Variants in PPP1R13B observed in about 807,000 individuals in gnomAD.
PPP1R13B encodes protein phosphatase 1 regulatory subunit 13B, also known as apoptosis-stimulating of p53 protein 1.
PPP1R13B carries 44 observed loss-of-function variants against 119.8 expected under a neutral mutation model. The observed-to-expected ratio is 0.37, with a 90% CI of 0.29 to 0.47. PPP1R13B has a LOEUF of 0.47. Ranked by LOEUF, PPP1R13B falls within the 20% of genes least tolerant of loss-of-function variation. The pLI is 0.99. For synonymous variants in PPP1R13B, 542 were observed against 561.5 expected, an observed-to-expected ratio of 0.97 and a Z score of 0.49; for missense variants, 1,227 against 1,413.5, an observed-to-expected ratio of 0.87 and a Z score of 2.12.
chr14:103,846,802 T>C (rs1431242334), intron 1 of PPP1R13B: 1 of 458,472 alleles, frequency 2.2e-6, no homozygotes, highest in Non-Finnish European at 4.4e-6. Context: ...GAAAAGGGAA[T>C]TCCTAAGATG....
intron 1 of PPP1R13B, among the ~76,000 whole-genome samples, chr14:103,821,651 T>A (rs1422709504): frequency 6.6e-6 from 1 of 152,056 alleles, no homozygotes; most frequent in African/African-American, 2.4e-5. Context: ...CTCGGGAGGC[T>A]AAGGCAGGAG....
chr14:103,738,507 T>C lies in PPP1R13B; in HGVS notation c.2864+172A>G. ...TAACAAAATCATCAAGAGAAAAGGCTGGAAAAAAAGGCAAGGAAACCCTGG... is the reference window on the plus strand; with the variant it reads ...TAACAAAATCATCAAGAGAAAAGGCCGGAAAAAAAGGCAAGGAAACCCTGG... On this transcript the variant is annotated intron_variant, in intron 14 of 16. Transcript: ENST00000202556. This position sits in a 1 kb window ranked among gnomAD's most constrained non-coding sequence, Gnocchi z 5.6. 2.9e-6 allele frequency: 3 copies of C among 1,023,764 alleles called. No homozygotes were observed. Among genetic ancestry groups the C allele is most frequent in the Non-Finnish European group, 4.2e-6 (3 of 713,422 alleles). 63.4% of individuals were successfully genotyped at this position (1,023,764 alleles called of 1,614,324 possible). A position where few individuals can be genotyped will look rare whatever the true frequency, so the allele number is the denominator to read the frequency against.
intron 2 of PPP1R13B, among the ~76,000 whole-genome samples, chr14:103,789,355 A>C (rs759033189): frequency 1.3e-5 from 2 of 151,700 alleles, no homozygotes; most frequent in Non-Finnish European, 2.9e-5. Flanking sequence ...AGTAGCTGGG[A>C]TTACAGGCAT....
At chr14:103,814,727 C>T (rs1290715751) in intron 1 of PPP1R13B, among the ~76,000 whole-genome samples, 1 of 152,082 alleles carries the variant, frequency 6.6e-6, no homozygotes, top group Non-Finnish European at 1.5e-5. Context: ...GGGCGGATCA[C>T]GAGGTCAGGA....
intron 16 of PPP1R13B, among the ~76,000 whole-genome samples, chr14:103,735,646 T>C (rs538210698): frequency 6.6e-6 from 1 of 152,094 alleles, no homozygotes; most frequent in Non-Finnish European, 1.5e-5. Context: ...TTCCCACCTC[T>C]CCCTCCACTG....
At chr14:103,785,224 T>G (rs1263499839) in intron 2 of PPP1R13B, among the ~76,000 whole-genome samples, 1 of 119,988 alleles carries the variant, frequency 8.3e-6, no homozygotes, top group African/African-American at 3.6e-5. Context: ...CCCATTCATT[T>G]GTTTGTTTGG....
At chr14:103,846,269 G>A (rs2087029330) in intron 1 of PPP1R13B, among the ~76,000 whole-genome samples, 1 of 152,242 alleles carries the variant, frequency 6.6e-6, no homozygotes. Context: ...AAAACGGGGA[G>A]AAGAGATTAT....
chr14:103,762,293 T>C (rs946283225), intron 4 of PPP1R13B, among the ~76,000 whole-genome samples: 12 of 152,286 alleles, frequency 7.9e-5, no homozygotes, highest in African/African-American at 2.4e-4. Flanking sequence ...AATCAGTTAA[T>C]AGAAAAGACT....
intron 4 of PPP1R13B, among the ~76,000 whole-genome samples, chr14:103,772,177 T>C (rs1039294619): frequency 1.3e-5 from 2 of 152,250 alleles, no homozygotes; most frequent in Non-Finnish European, 2.9e-5. Context: ...GTAGTTCATT[T>C]CTTCTGATTG....
intron 8 of PPP1R13B, among the ~76,000 whole-genome samples, chr14:103,747,757 C>T (rs184234411): frequency 2.6e-5 from 4 of 152,086 alleles, no homozygotes; most frequent in African/African-American, 9.7e-5. Flanking sequence ...TGAGAACATA[C>T]AATGTTTGGT....
At chr14:103,802,507 C>T (rs2152048200) in intron 1 of PPP1R13B, among the ~76,000 whole-genome samples, 1 of 152,280 alleles carries the variant, frequency 6.6e-6, no homozygotes, top group South Asian at 2.1e-4. Context: ...GTTCCTTACC[C>T]TTCTACCCAC....
Position 103,735,911 on chromosome 14 carries a change from A to C in PPP1R13B, c.3231+92T>G, listed in dbSNP as rs1005609857. 5.0e-6 allele frequency: 7 copies of C among 1,402,952 alleles called. No individual in the cohort carries two copies. In the East Asian group the frequency reaches 1.5e-4, roughly 29 times the overall value. The allele number at this position is 1,402,952 out of a possible 1,614,324, so 86.9% of individuals were successfully genotyped here. On this transcript the variant is annotated intron_variant, in intron 16 of 16. Transcript: ENST00000202556. ...GGGCTGCTGAGGCTCAGAGAAGCGA[A>C]GCCTCCCTCCCCAGCCCCACAGCAG...
In PPP1R13B at chr14:103,758,015, G is replaced by A. The variant is rs139402071; in HGVS notation, c.355-264C>T. On this transcript the variant is annotated intron_variant, in intron 4 of 16. Transcript: ENST00000202556. ...GCAAACATTTGCAAATGTGTATTATGAGTGACATTCCTCCTTCTGGAATGA... is the reference window on the plus strand; with the variant it reads ...GCAAACATTTGCAAATGTGTATTATAAGTGACATTCCTCCTTCTGGAATGA... 5.3e-5 allele frequency among the ~76,000 whole-genome samples: 8 copies of A among 152,318 alleles called. No homozygotes were observed. The East Asian group carries it at 1.3e-3, about 26-fold the overall frequency.
chr14:103,785,019 T>A, intron 2 of PPP1R13B, 105 bp from the exon 3 acceptor site: 2 of 956,816 alleles, frequency 2.1e-6, no homozygotes, highest in Non-Finnish European at 2.9e-6. Context: ...CACATGTATG[T>A]CTACATGTTA....
chr14:103,771,894 TG>T (rs1363107613), intron 4 of PPP1R13B, among the ~76,000 whole-genome samples: 1 of 152,212 alleles, frequency 6.6e-6, no homozygotes, highest in Admixed American at 6.5e-5. Flanking sequence ...TTTTGACAAA[TG>T]TATAAACTAT....
At chr14:103,815,326 T>C (rs1409283127) in intron 1 of PPP1R13B, among the ~76,000 whole-genome samples, 7 of 152,198 alleles carry the variant, frequency 4.6e-5, no homozygotes, top group Admixed American at 2.0e-4. Context: ...GATTTCTTTT[T>C]GGGATGAAAA....
chr14:103,788,639 T>C (rs1375556690), intron 2 of PPP1R13B, among the ~76,000 whole-genome samples: 3 of 151,342 alleles, frequency 2.0e-5, no homozygotes, highest in Admixed American at 6.6e-5. Flanking sequence ...CGACTGCCAT[T>C]GCGCTCAAGC....
Position 103,742,380 on chromosome 14 carries a change from G to C in PPP1R13B, c.1321-89C>G. 6.2e-6 allele frequency: 9 copies of C among 1,462,258 alleles called. No homozygotes were observed. The South Asian group carries it at 1.2e-4, about 20-fold the overall frequency. The allele number at this position is 1,462,258 out of a possible 1,614,324, so 90.6% of individuals were successfully genotyped here. A position where few individuals can be genotyped will look rare whatever the true frequency, so the allele number is the denominator to read the frequency against. On this transcript the variant is annotated intron_variant, in intron 10 of 16. Coordinates refer to ENST00000202556, the MANE Select transcript of PPP1R13B (RefSeq NM_015316.3). The surrounding 1 kb of genome is among the most constrained non-coding windows in gnomAD (Gnocchi z 4.9). Reference sequence around the variant, plus strand: ...CACATTCCCAAGAGAATACACAGTAGAATTTGTAATCCGTCAAATTGGCTG... The same window carrying C: ...CACATTCCCAAGAGAATACACAGTACAATTTGTAATCCGTCAAATTGGCTG...
At chr14:103,808,812 A>G (rs950016743) in intron 1 of PPP1R13B, among the ~76,000 whole-genome samples, 2 of 152,204 alleles carry the variant, frequency 1.3e-5, no homozygotes, top group African/African-American at 4.8e-5. Flanking sequence ...ATAAGACTGT[A>G]GAAGTACATA....
Sources: gnomAD v4.1 joint callset for allele counts (sites outside exome capture counted in the v4.1 genomes callset) on GRCh38, gnomAD v4.1.1 for gene constraint, Gnocchi (gnomAD v3.1) non-coding constraint, MANE v1.5 for transcripts, NCBI Gene and HGNC (gene_info 2026-07-23, HGNC 2026-07-21) for gene names.